Variants in PTPRD observed in about 807,000 individuals in gnomAD.
The protein encoded by PTPRD is receptor-type tyrosine-protein phosphatase delta.
Under a neutral mutation model 214.5 loss-of-function variants are expected in PTPRD, and 34 were observed. That is an observed-to-expected ratio of 0.16 (90% CI 0.12 to 0.21). The LOEUF is 0.21. Among genes scored for constraint, PTPRD ranks in the 10% least tolerant of loss-of-function variants. The pLI is 1.00. For missense variants in PTPRD, 2,545 were observed against 2,398.7 expected, an observed-to-expected ratio of 1.06 and a Z score of -1.27; for synonymous variants, 1,128 against 845.7, an observed-to-expected ratio of 1.33 and a Z score of -5.79.
At chr9:9,586,277 A>G (rs2091934246) in intron 7 of PTPRD, among the ~76,000 whole-genome samples, 1 of 152,004 alleles carries the variant, frequency 6.6e-6, no homozygotes. Context: ...TTGAGATCAG[A>G]TTGTCTCATC....
intron 3 of PTPRD, among the ~76,000 whole-genome samples, chr9:10,238,362 C>T (rs551903770): frequency 6.6e-6 from 1 of 151,920 alleles, no homozygotes; most frequent in South Asian, 2.1e-4. Flanking sequence ...TCAGAACTTG[C>T]CAGTTCCTGA....
chr9:9,982,482 GTGTGTGTGTGTGT>G (rs2095576858), intron 4 of PTPRD, among the ~76,000 whole-genome samples: 2 of 8,220 alleles, frequency 2.4e-4, no homozygotes, highest in African/African-American at 5.4e-4. Flanking sequence ...GGTGGTGTGT[GTGTGTGTGTGTGT>G]GTGTGTGTGT....
intron 5 of PTPRD, among the ~76,000 whole-genome samples, chr9:9,837,162 G>A (rs570774298): frequency 5.3e-5 from 8 of 152,222 alleles, no homozygotes; most frequent in Admixed American, 1.3e-4. Context: ...TATGTGTGTG[G>A]TGGTAAATTT....
intron 12 of PTPRD, among the ~76,000 whole-genome samples, chr9:8,723,190 T>C (rs2098520525): frequency 1.3e-5 from 2 of 152,076 alleles, no homozygotes; most frequent in African/African-American, 4.8e-5. Context: ...CTAGGCTCCC[T>C]CCTTGCACTA....
intron 4 of PTPRD, among the ~76,000 whole-genome samples, chr9:9,956,930 T>TA (rs2093973932): frequency 6.6e-6 from 1 of 152,162 alleles, no homozygotes; most frequent in Non-Finnish European, 1.5e-5. Context: ...GTTTATGTTA[T>TA]AACTGCCCAT....
At chr9:8,695,894 C>T (rs2097901816) in intron 12 of PTPRD, among the ~76,000 whole-genome samples, 1 of 152,208 alleles carries the variant, frequency 6.6e-6, no homozygotes, top group Non-Finnish European at 1.5e-5. Context: ...CAATCATTTG[C>T]TTTCTCTCTA....
chr9:9,029,694 A>G (rs181781834), intron 10 of PTPRD, among the ~76,000 whole-genome samples: 24 of 152,020 alleles, frequency 1.6e-4, no homozygotes, highest in African/African-American at 5.5e-4. Flanking sequence ...GAGGGTTATA[A>G]GTCCTGGAAT....
intron 14 of PTPRD, among the ~76,000 whole-genome samples, chr9:8,532,953 T>C (rs1191550947): frequency 6.6e-6 from 1 of 152,000 alleles, no homozygotes; most frequent in African/African-American, 2.4e-5. Flanking sequence ...CCCATTGTGG[T>C]AGAACTTATT....
chr9:10,373,663 C>T (rs953005607), intron 2 of PTPRD, among the ~76,000 whole-genome samples: 1 of 151,982 alleles, frequency 6.6e-6, no homozygotes, highest in African/African-American at 2.4e-5. Flanking sequence ...ATGATCTTTG[C>T]CTCAATTTCT....
intron 11 of PTPRD, among the ~76,000 whole-genome samples, chr9:8,968,552 G>A (rs576700870): frequency 2.0e-5 from 3 of 152,024 alleles, no homozygotes; most frequent in South Asian, 4.2e-4. Flanking sequence ...TTTTCTCAGT[G>A]TTATTTATGT....
intron 3 of PTPRD, among the ~76,000 whole-genome samples, chr9:10,152,374 T>C (rs1341531310): frequency 1.3e-5 from 2 of 151,860 alleles, no homozygotes; most frequent in East Asian, 3.8e-4. Context: ...TTTGTTTTTA[T>C]TATTGTTTTG....
intron 9 of PTPRD, among the ~76,000 whole-genome samples, chr9:9,322,417 T>G (rs1367555192): frequency 1.3e-5 from 2 of 152,182 alleles, no homozygotes; most frequent in African/African-American, 2.4e-5. Flanking sequence ...TCCAGAGAGT[T>G]TAAATAACAC....
chr9:8,768,755 T>A (rs367988079), intron 11 of PTPRD, among the ~76,000 whole-genome samples: 1 of 152,108 alleles, frequency 6.6e-6, no homozygotes, highest in Non-Finnish European at 1.5e-5. Flanking sequence ...AAACCCTTCA[T>A]TGGAAGAAAA....
chr9:9,255,876 G>T (rs536349038), intron 9 of PTPRD, among the ~76,000 whole-genome samples: 1 of 151,938 alleles, frequency 6.6e-6, no homozygotes, highest in Non-Finnish European at 1.5e-5. Flanking sequence ...TTTGACTTCA[G>T]GATTCAGAGA....
At chr9:9,450,923 G>A (rs927649317) in intron 8 of PTPRD, among the ~76,000 whole-genome samples, 1 of 142,194 alleles carries the variant, frequency 7.0e-6, no homozygotes, top group African/African-American at 2.6e-5. Context: ...GAATATTTGA[G>A]TACATCTAAG....
chr9:8,902,036 T>A (rs944718131), intron 11 of PTPRD, among the ~76,000 whole-genome samples: 13 of 152,174 alleles, frequency 8.5e-5, no homozygotes, highest in Non-Finnish European at 1.3e-4. Flanking sequence ...TTCTACACAA[T>A]TGCACATACA....
chr9:9,298,492 G>C (rs965583792), intron 9 of PTPRD, among the ~76,000 whole-genome samples: 1 of 151,554 alleles, frequency 6.6e-6, no homozygotes, highest in African/African-American at 2.4e-5. Flanking sequence ...GGCTTAAACG[G>C]GACAGAAAAG....
intron 12 of PTPRD, among the ~76,000 whole-genome samples, chr9:8,652,259 T>C (rs2096827884): frequency 6.6e-6 from 1 of 152,248 alleles, no homozygotes; most frequent in African/African-American, 2.4e-5. Flanking sequence ...GGTGGATTTT[T>C]CTTTTTCCTT....
intron 37 of PTPRD, among the ~76,000 whole-genome samples, chr9:8,386,577 C>G (rs1264356175): frequency 1.3e-5 from 2 of 152,172 alleles, no homozygotes; most frequent in Admixed American, 6.5e-5. Context: ...GGTGCCACTT[C>G]CCTTCATAGG....
Sources: gnomAD v4.1 joint callset for allele counts (sites outside exome capture counted in the v4.1 genomes callset) on GRCh38, gnomAD v4.1.1 for gene constraint, MANE v1.5 for transcripts, NCBI Gene and HGNC (gene_info 2026-07-23, HGNC 2026-07-21) for gene names.